Variants in DSCAM observed in about 807,000 individuals in gnomAD.
DSCAM encodes the protein cell adhesion molecule DSCAM.
DSCAM carries 47 observed loss-of-function variants against 217.7 expected under a neutral mutation model. The observed-to-expected ratio is 0.22, with a 90% CI of 0.17 to 0.28. The LOEUF (loss-of-function observed/expected upper bound fraction) is 0.28. DSCAM is among the 10% of genes least tolerant of loss of function. The pLI, the probability that DSCAM is intolerant of heterozygous loss-of-function variation, is 1.00. For missense variants in DSCAM, 2,080 were observed against 2,618.3 expected, an observed-to-expected ratio of 0.79 and a Z score of 4.49; for synonymous variants, 1,056 against 1,015.3, an observed-to-expected ratio of 1.04 and a Z score of -0.76.
intron 3 of DSCAM, among the ~76,000 whole-genome samples, chr21:40,532,899 T>G (rs982932583): frequency 8.1e-6 from 1 of 123,646 alleles, no homozygotes; most frequent in Non-Finnish European, 1.6e-5. Flanking sequence ...TGTGTGTGTG[T>G]GTGTGTGTGT....
intron 3 of DSCAM, among the ~76,000 whole-genome samples, chr21:40,683,120 C>T (rs1397090872): frequency 1.3e-5 from 2 of 152,112 alleles, no homozygotes; most frequent in South Asian, 2.1e-4. Flanking sequence ...GGCTCCAGGA[C>T]TATAAGGAAA....
chr21:40,483,518 T>C (rs1026550008), intron 3 of DSCAM, among the ~76,000 whole-genome samples: 2 of 152,206 alleles, frequency 1.3e-5, no homozygotes, highest in Non-Finnish European at 2.9e-5. Context: ...ACAATATTAT[T>C]GTGAGGATCA....
intron 8 of DSCAM, among the ~76,000 whole-genome samples, chr21:40,327,569 A>ACTT (rs1245979184): frequency 6.7e-6 from 1 of 150,148 alleles, no homozygotes; most frequent in African/African-American, 2.4e-5. Context: ...TTTGGCTGAG[A>ACTT]CTTCCAGTGA....
chr21:40,681,861 T>A (rs1180685181), intron 3 of DSCAM, among the ~76,000 whole-genome samples: 2 of 152,128 alleles, frequency 1.3e-5, no homozygotes, highest in African/African-American at 4.8e-5. Context: ...GTGAGACTTC[T>A]GCAAGTCAAG....
At chr21:40,192,479 A>AT (rs2090962105) in intron 11 of DSCAM, among the ~76,000 whole-genome samples, 1 of 152,126 alleles carries the variant, frequency 6.6e-6, no homozygotes, top group South Asian at 2.1e-4. Context: ...GTGAAGAAGC[A>AT]TATGTTTGCT....
At chr21:40,382,026 CAG>C (rs1396409158) in intron 3 of DSCAM, among the ~76,000 whole-genome samples, 2 of 152,086 alleles carry the variant, frequency 1.3e-5, no homozygotes, top group Non-Finnish European at 2.9e-5. Flanking sequence ...TACTGTGAGT[CAG>C]AGCAAAAAAT....
At chr21:40,540,845 AT>A (rs2076537578) in intron 3 of DSCAM, among the ~76,000 whole-genome samples, 1 of 152,090 alleles carries the variant, frequency 6.6e-6, no homozygotes, top group African/African-American at 2.4e-5. Context: ...GAGAGAAAAT[AT>A]TTTATTAAAA....
intron 3 of DSCAM, among the ~76,000 whole-genome samples, chr21:40,403,586 C>A (rs1304908014): frequency 1.3e-5 from 2 of 151,718 alleles, no homozygotes; most frequent in African/African-American, 4.8e-5. Flanking sequence ...TAATCATTGT[C>A]ATCAACACAC....
chr21:40,568,125 A>G (rs1338774202), intron 3 of DSCAM, among the ~76,000 whole-genome samples: 1 of 152,188 alleles, frequency 6.6e-6, no homozygotes, highest in Admixed American at 6.5e-5. Context: ...GCATTTAGCA[A>G]TGAATGGGGA....
chr21:40,407,708 G>A (rs2075290489), intron 3 of DSCAM, among the ~76,000 whole-genome samples: 1 of 152,208 alleles, frequency 6.6e-6, no homozygotes, highest in South Asian at 2.1e-4. Context: ...CTCAGCTGAG[G>A]TTCTAGACAG....
chr21:40,812,131 A>G (rs950866358), intron 1 of DSCAM, among the ~76,000 whole-genome samples: 9 of 152,226 alleles, frequency 5.9e-5, no homozygotes, highest in Admixed American at 3.9e-4. Context: ...GTGAGGAAAC[A>G]GGTAAGGGAG....
At position 40,376,552 on chromosome 21, in the gene DSCAM, C is replaced by CGATATCTAAAATCTTATATA. The variant is rs2074958065; in HGVS notation, c.509-7308_509-7307insTATATAAGATTTTAGATATC. ...ATATAGATATCGATATATCTTATATCGATATCTATATATCTTATATCGATA... is the reference window on the plus strand; with the variant it reads ...ATATAGATATCGATATATCTTATATCGATATCTAAAATCTTATATAGATATCTATATATCTTATATCGATA... On this transcript the variant is annotated intron_variant, in intron 3 of 32. Transcript: ENST00000400454. Among the ~76,000 whole-genome samples, 9 of 39,728 alleles carry CGATATCTAAAATCTTATATA rather than the reference C, an allele frequency of 2.3e-4. 1 individual carries two copies. Among genetic ancestry groups the CGATATCTAAAATCTTATATA allele is most frequent in the African/African-American group, 7.0e-4 (8 of 11,440 alleles). The allele number at this position is 39,728 out of a possible 152,430, so 26.1% of individuals were successfully genotyped here.
intron 4 of DSCAM, among the ~76,000 whole-genome samples, chr21:40,367,662 T>C (rs1032729599): frequency 3.9e-5 from 6 of 152,212 alleles, no homozygotes; most frequent in African/African-American, 1.4e-4. Context: ...GACTCTCATA[T>C]GAGCCTTTTT....
At chr21:40,345,545 T>C (rs1397914636) in intron 6 of DSCAM, among the ~76,000 whole-genome samples, 1 of 152,228 alleles carries the variant, frequency 6.6e-6, no homozygotes, top group African/African-American at 2.4e-5. Flanking sequence ...TCAGGTATTA[T>C]GGTTTTATCC....
chr21:40,322,299 C>T (rs561323127), intron 8 of DSCAM, among the ~76,000 whole-genome samples: 17 of 152,256 alleles, frequency 1.1e-4, no homozygotes, highest in African/African-American at 4.1e-4. Context: ...CCTATTATTA[C>T]TTGATCTCAT....
intron 1 of DSCAM, among the ~76,000 whole-genome samples, chr21:40,766,993 CTT>C (rs574811684): frequency 4.5e-4 from 68 of 152,246 alleles, no homozygotes; most frequent in African/African-American, 1.6e-3. Context: ...GCCAAAAAAC[CTT>C]TCTTAATTTC....
At position 40,292,230 on chromosome 21, in the gene DSCAM, A is replaced by G. The variant is rs146980687; in HGVS notation, c.2182+3825T>C. Among the ~76,000 whole-genome samples, 468 of 119,016 alleles carry G rather than the reference A, an allele frequency of 3.9e-3. 1 individual carries two copies. Among genetic ancestry groups the G allele is most frequent in the African/African-American group, 0.013 (399 of 31,784 alleles). The allele number at this position is 119,016 out of a possible 152,430, so 78.1% of individuals were successfully genotyped here. A position where few individuals can be genotyped will look rare whatever the true frequency, so the allele number is the denominator to read the frequency against. ...TTGTAGCAAAGATTGTTTCATTTCT[A>G]CAATAGCTACCTTTAAACTGCAGTG... On this transcript the variant is annotated intron_variant, in intron 10 of 32. Coordinates refer to ENST00000400454, the MANE Select transcript of DSCAM (RefSeq NM_001389.5).
rs775331136 is a variant in DSCAM at position 40,276,066 on chromosome 21, T to G, written c.2356+31A>C. On this transcript the variant is annotated intron_variant, in intron 11 of 32. Coordinates refer to ENST00000400454, the MANE Select transcript of DSCAM (RefSeq NM_001389.5). Reference sequence around the variant, plus strand: ...CCCCCAGAGACCTATGTATTTAAACTAGGTAAAACGAAGCATTTCTTCTCT... The same window carrying G: ...CCCCCAGAGACCTATGTATTTAAACGAGGTAAAACGAAGCATTTCTTCTCT... 5 of 1,521,830 alleles carry G rather than the reference T, an allele frequency of 3.3e-6. No homozygotes were observed. In the South Asian group the frequency reaches 4.0e-5, roughly 12 times the overall value. The allele number at this position is 1,521,830 out of a possible 1,614,324, so 94.3% of individuals were successfully genotyped here. A position where few individuals can be genotyped will look rare whatever the true frequency, so the allele number is the denominator to read the frequency against.
chr21:40,082,217 T>C (rs1030427563), intron 24 of DSCAM, among the ~76,000 whole-genome samples: 2 of 152,124 alleles, frequency 1.3e-5, no homozygotes, highest in Admixed American at 6.5e-5. Context: ...TCCCAGCACG[T>C]TGGGAAGCCA....
Sources: gnomAD v4.1 joint callset for allele counts (sites outside exome capture counted in the v4.1 genomes callset) on GRCh38, gnomAD v4.1.1 for gene constraint, MANE v1.5 for transcripts, NCBI Gene and HGNC (gene_info 2026-07-23, HGNC 2026-07-21) for gene names.